Variants in PRELID2 observed in about 807,000 individuals in gnomAD.
PRELID2 encodes the protein PRELI domain containing 2.
Under a neutral mutation model 28.4 loss-of-function variants are expected in PRELID2, and 25 were observed. That is an observed-to-expected ratio of 0.88 (90% CI 0.64 to 1.23). The LOEUF (loss-of-function observed/expected upper bound fraction) is 1.23, where lower values mean the gene tolerates loss of function less well. Ranked by LOEUF, PRELID2 falls within the 50% of genes most tolerant of loss-of-function variation. The pLI is 0.00. For synonymous variants in PRELID2, 76 were observed against 71.6 expected, an observed-to-expected ratio of 1.06 and a Z score of -0.31; for missense variants, 201 against 214.4, an observed-to-expected ratio of 0.94 and a Z score of 0.39.
At chr5:145,416,255 C>CA in the PRELID2 span, among the ~76,000 whole-genome samples, 1 of 151,698 alleles carries the variant, frequency 6.6e-6, no homozygotes, top group Non-Finnish European at 1.5e-5. Context: ...ACACCTTATA[C>CA]AAAAATTAAT....
At chr5:145,554,228 A>C (rs1263170856) in intron 1 of PRELID2, among the ~76,000 whole-genome samples, 1 of 152,202 alleles carries the variant, frequency 6.6e-6, no homozygotes, top group Admixed American at 6.5e-5. Flanking sequence ...CTAGAACCCC[A>C]AAAAACACTA....
the PRELID2 span, among the ~76,000 whole-genome samples, chr5:145,440,154 T>G: frequency 1.3e-5 from 2 of 152,158 alleles, no homozygotes; most frequent in South Asian, 4.1e-4. Context: ...ACCGTTTAAA[T>G]AAGACCTGGA....
At chr5:145,390,917 C>A in the PRELID2 span, among the ~76,000 whole-genome samples, 1 of 152,190 alleles carries the variant, frequency 6.6e-6, no homozygotes, top group African/African-American at 2.4e-5. Context: ...CATGCAAGTC[C>A]AAAATCCAAT....
At chr5:145,344,729 G>C in the PRELID2 span, among the ~76,000 whole-genome samples, 1 of 152,072 alleles carries the variant, frequency 6.6e-6, no homozygotes, top group Non-Finnish European at 1.5e-5. Context: ...ATCTATGCCA[G>C]TTAAATAGTT....
chr5:145,787,619 C>T (rs1289251471), intron 5 of PRELID2, among the ~76,000 whole-genome samples: 1 of 151,890 alleles, frequency 6.6e-6, no homozygotes, highest in Non-Finnish European at 1.5e-5. Flanking sequence ...CAGTTCACTG[C>T]AGCCTTTACC....
intron 1 of PRELID2, among the ~76,000 whole-genome samples, chr5:145,739,642 C>A (rs888067950): frequency 3.7e-5 from 2 of 53,460 alleles, no homozygotes; most frequent in African/African-American, 8.3e-5. Flanking sequence ...TTACAACATT[C>A]TCTGATGTGG....
chr5:145,272,245 A>G, the PRELID2 span, among the ~76,000 whole-genome samples: 1 of 152,210 alleles, frequency 6.6e-6, no homozygotes, highest in African/African-American at 2.4e-5. Flanking sequence ...TTCAATACTT[A>G]GCTGAAAGAT....
intron 1 of PRELID2, among the ~76,000 whole-genome samples, chr5:145,617,011 T>C (rs1167765947): frequency 6.6e-6 from 1 of 152,184 alleles, no homozygotes; most frequent in Non-Finnish European, 1.5e-5. Context: ...GAAAAAGAAT[T>C]CAGTGGTATT....
At chr5:145,363,116 G>GAAAAA in the PRELID2 span, among the ~76,000 whole-genome samples, 15 of 84,134 alleles carry the variant, frequency 1.8e-4, no homozygotes, top group African/African-American at 5.5e-4. Flanking sequence ...ATGGCTATAA[G>GAAAAA]AAAAAAAAAA....
chr5:145,596,410 C>G (rs1009101787), intron 1 of PRELID2, among the ~76,000 whole-genome samples: 16 of 152,008 alleles, frequency 1.1e-4, no homozygotes, highest in Admixed American at 8.5e-4. Flanking sequence ...GTCTCAGTAC[C>G]ACAGCTTAGG....
chr5:145,570,426 A>G (rs952794564), intron 1 of PRELID2, among the ~76,000 whole-genome samples: 1 of 152,182 alleles, frequency 6.6e-6, no homozygotes, highest in Non-Finnish European at 1.5e-5. Flanking sequence ...TTATGAAAAA[A>G]AAATTTGCAG....
chr5:145,597,775 A>T (rs1200963005), intron 1 of PRELID2, among the ~76,000 whole-genome samples: 1 of 152,206 alleles, frequency 6.6e-6, no homozygotes, highest in Non-Finnish European at 1.5e-5. Context: ...TTCTTTGCTA[A>T]CATACTGCAC....
intron 1 of PRELID2, among the ~76,000 whole-genome samples, chr5:145,658,238 G>A (rs1382131391): frequency 3.3e-5 from 5 of 152,212 alleles, no homozygotes; most frequent in Non-Finnish European, 7.3e-5. Flanking sequence ...AAGAGTGAAA[G>A]CAAAACCATA....
intron 1 of PRELID2, among the ~76,000 whole-genome samples, chr5:145,586,730 T>C (rs1272115429): frequency 6.6e-6 from 1 of 152,112 alleles, no homozygotes; most frequent in Non-Finnish European, 1.5e-5. Context: ...CGCTAGATTT[T>C]AGAAAAGGAA....
At chr5:145,726,305 AAGAGAGAG>A (rs796443528) in intron 1 of PRELID2, among the ~76,000 whole-genome samples, 1 of 147,300 alleles carries the variant, frequency 6.8e-6, no homozygotes, top group Non-Finnish European at 1.5e-5. Context: ...AAGAAAAAGA[AAGAGAGAG>A]AGAGAGAAAG....
the PRELID2 span, among the ~76,000 whole-genome samples, chr5:145,406,104 A>G: frequency 6.6e-6 from 1 of 152,096 alleles, no homozygotes; most frequent in Non-Finnish European, 1.5e-5. Context: ...TGAGCAATCT[A>G]ACCCTATGAT....
chr5:145,729,207 G>A, intron 1 of PRELID2: 2 of 773,140 alleles, frequency 2.6e-6, no homozygotes, highest in Admixed American at 1.9e-5. Flanking sequence ...GGTTTCGGAA[G>A]CATGCCAGAA....
the PRELID2 span, among the ~76,000 whole-genome samples, chr5:145,408,567 T>G: frequency 6.7e-6 from 1 of 150,270 alleles, no homozygotes; most frequent in Non-Finnish European, 1.5e-5. Context: ...AATAACAACT[T>G]AGAGAAATGC....
intron 1 of PRELID2, among the ~76,000 whole-genome samples, chr5:145,553,182 A>ACCCC (rs1181624545): frequency 2.0e-4 from 21 of 106,586 alleles, no homozygotes; most frequent in South Asian, 3.5e-4. Context: ...TTGCTAGAGG[A>ACCCC]CCCCCCCCCC....
Sources: allele counts gnomAD v4.1 joint callset (sites outside exome capture counted in the v4.1 genomes callset), GRCh38; gene constraint gnomAD v4.1.1; transcripts MANE v1.5; gene names NCBI Gene and HGNC (gene_info 2026-07-23, HGNC 2026-07-21).